Variants in TECTA observed in about 807,000 individuals in gnomAD.
TECTA encodes the protein alpha-tectorin.
A neutral mutation model predicts 216.8 loss-of-function variants in TECTA; 128 were observed. The observed-to-expected ratio is 0.59, with a 90% CI of 0.51 to 0.68. TECTA has a LOEUF of 0.68. Among genes scored for constraint, TECTA ranks in the 30% least tolerant of loss-of-function variants. TECTA has a pLI of 0.00. For missense variants in TECTA, 2,551 were observed against 2,786.2 expected (o/e 0.92, Z 1.90); for synonymous variants, 1,089 against 1,117.1 (o/e 0.97, Z 0.50).
Position 121,145,935 on chromosome 11 carries a change from C to T in TECTA, c.3924C>T (p.Asn1308=), listed in dbSNP as rs768903253. 21 of 1,614,138 alleles carry T rather than the reference C, an allele frequency of 1.3e-5. No homozygotes were observed. Among genetic ancestry groups the T allele is most frequent in the South Asian group, 3.3e-5 (3 of 91,090 alleles). The change falls in exon 12 of 24, where the codon AAC becomes AAT. Residue 1308 remains asparagine (N), a synonymous_variant. Transcript: ENST00000392793. ...QQLCSLIPNQ[N]AAFSKCHSKV... is the part of the protein sequence containing the mutation. ...TGTGCAGCCTGATCCCCAACCAGAA[C>T]GCTGCCTTCTCCAAGTGTCACAGCA...
In TECTA at chr11:121,113,176, C is replaced by A. The variant is rs562490470; in HGVS notation, c.591C>A (p.Asp197Glu). The A allele has an allele frequency of 7.4e-6, 12 of 1,613,990 alleles. No individual in the cohort carries two copies. The African/African-American group carries it at 1.6e-4, about 22-fold the overall frequency. Residue 197 changes from aspartate to glutamate, a missense_variant, in exon 5 of 24, where the codon GAC becomes GAA. Asp to Glu is a conservative substitution (Grantham distance 45). Around this residue, in one of 3 missense-constraint regions of TECTA, gnomAD observed 2,375 missense variants for 2,563.9 expected, o/e 0.93. Coordinates refer to ENST00000392793, the MANE Select transcript of TECTA (RefSeq NM_005422.4). This position sits in a 1 kb window ranked among gnomAD's most constrained non-coding sequence, Gnocchi z 4.2. ...NWTTGTASGGDPLTGLGGVMA... is the reference protein window; with the variant it reads ...NWTTGTASGGEPLTGLGGVMA... ...CCACGGGGACGGCGAGTGGCGGCGACCCCCTGACAGGTCTTGGTGGAGTGA... is the reference window on the plus strand; with the variant it reads ...CCACGGGGACGGCGAGTGGCGGCGAACCCCTGACAGGTCTTGGTGGAGTGA...
chr11:121,190,116 A>T (rs975956168), intron 23 of TECTA: 11 of 520,942 alleles, frequency 2.1e-5, no homozygotes, highest in East Asian at 3.4e-5. Context: ...AAGGTAATTT[A>T]AAAAAACAAG....
intron 10 of TECTA, among the ~76,000 whole-genome samples, chr11:121,133,981 T>C (rs912216901): frequency 1.3e-5 from 2 of 152,166 alleles, no homozygotes; most frequent in Non-Finnish European, 2.9e-5. Flanking sequence ...TTTTTTCCAG[T>C]GGTCTATATT....
chr11:121,120,293 TGG>T (rs1299327676), intron 7 of TECTA, among the ~76,000 whole-genome samples: 1 of 152,178 alleles, frequency 6.6e-6, no homozygotes, highest in Non-Finnish European at 1.5e-5. Context: ...CAGGGCGATG[TGG>T]GTGAATGTAA....
In TECTA at chr11:121,113,705, C is replaced by G; in HGVS notation, c.777C>G (p.Gly259=). 6.2e-7 allele frequency: 1 copy of G among 1,613,656 alleles called. No homozygotes were observed. Among genetic ancestry groups the G allele is most frequent in the Non-Finnish European group, 8.5e-7 (1 of 1,179,986 alleles). Residue 259 remains glycine, a synonymous_variant, in exon 6 of 24, where the codon GGC becomes GGG. Coordinates refer to ENST00000392793, the MANE Select transcript of TECTA (RefSeq NM_005422.4). The surrounding 1 kb of genome is among the most constrained non-coding windows in gnomAD (Gnocchi z 4.2). The part of the protein sequence containing the change: ...VDGKEIDPAN[G]CTSRGQFLRR... Reference sequence around the variant, plus strand: ...GAAAGGAAATTGACCCAGCCAATGGCTGCACCTCAAGGGGTAAAGCTTTTC... The same window carrying G: ...GAAAGGAAATTGACCCAGCCAATGGGTGCACCTCAAGGGGTAAAGCTTTTC...
intron 13 of TECTA, among the ~76,000 whole-genome samples, chr11:121,156,569 C>T (rs1035431006): frequency 1.3e-5 from 2 of 152,100 alleles, no homozygotes; most frequent in African/African-American, 4.8e-5. Flanking sequence ...CTCTCAAACT[C>T]CTGACCTCCG....
chr11:121,179,974 G>GTT (rs368080288), intron 20 of TECTA, among the ~76,000 whole-genome samples: 72 of 120,692 alleles, frequency 6.0e-4, no homozygotes, highest in Admixed American at 1.4e-3. Flanking sequence ...TTGTTTGTTT[G>GTT]TTTTTTTTTT....
chr11:121,105,798 T>A lies in TECTA; in HGVS notation c.65-33T>A. 1.2e-6 allele frequency: 2 copies of A among 1,613,862 alleles called. No homozygotes were observed. Among genetic ancestry groups the A allele is most frequent in the Non-Finnish European group, 1.7e-6 (2 of 1,179,934 alleles). ...TAGATTGCCAAACGGCAGAGGGAGC[T>A]GCCATCTATCTAACCATCATCTCTC... On this transcript the variant is annotated intron_variant, in intron 2 of 23. Transcript: ENST00000392793. This position sits in a 1 kb window ranked among gnomAD's most constrained non-coding sequence, Gnocchi z 5.3.
In TECTA at chr11:121,118,485, G is replaced by C; in HGVS notation, c.970G>C (p.Val324Leu). ...CGCTGTGGAGACCAGCACATGCGTG[G>C]TGTTTGGGGAGCCACACTACCACAC... is the stretch of plus-strand genomic sequence containing the variant. ...CSAVETSTCV[V>L]FGEPHYHTFD... The change falls in exon 7 of 24, where the codon GTG becomes CTG. Residue 324 changes from valine (V) to leucine (L), a missense_variant. This residue lies in a region of TECTA where 2,375 missense variants were observed against 2,563.9 expected (regional missense o/e 0.93). Coordinates refer to ENST00000392793, the MANE Select transcript of TECTA (RefSeq NM_005422.4). 1 of 1,614,196 alleles carries C rather than the reference G, an allele frequency of 6.2e-7. No homozygotes were observed. The highest frequency in any genetic ancestry group is 8.5e-7 in the Non-Finnish European group (1 of 1,180,040).
intron 14 of TECTA, among the ~76,000 whole-genome samples, 182 bp downstream of exon 14, chr11:121,158,406 C>T (rs577086568): frequency 1.3e-5 from 2 of 152,314 alleles, no homozygotes; most frequent in South Asian, 4.2e-4. Context: ...TGAGAATGGA[C>T]ACCATTTGGT....
In TECTA at chr11:121,117,072, C is replaced by T. The variant is rs143554684; in HGVS notation, c.791-1234C>T. Among the ~76,000 whole-genome samples, 59 of 152,352 alleles carry T rather than the reference C, an allele frequency of 3.9e-4. No individual in the cohort carries two copies. The East Asian group carries it at 9.4e-3, about 24-fold the overall frequency. On this transcript the variant is annotated intron_variant, in intron 6 of 23. Transcript: ENST00000392793. ...GCACCCTCAACTTGGGTTAACCTTGCAGCCTTGTGCTATTCACTCGATAGT... is the reference window on the plus strand; with the variant it reads ...GCACCCTCAACTTGGGTTAACCTTGTAGCCTTGTGCTATTCACTCGATAGT...
At chr11:121,101,822 G>C (rs925008709) in intron 1 of TECTA, among the ~76,000 whole-genome samples, 4 of 152,214 alleles carry the variant, frequency 2.6e-5, no homozygotes, top group African/African-American at 9.7e-5. Flanking sequence ...TGTCTAACTT[G>C]AGCTTGCGTC....
At chr11:121,132,895 T>G (rs9651697) in intron 10 of TECTA, among the ~76,000 whole-genome samples, 36,009 of 151,800 alleles carry the variant, frequency 0.24, 5,023 homozygotes, top group African/African-American at 0.38. Flanking sequence ...CTAATTTTTT[T>G]TGTGTGTGTG....
chr11:121,137,054 C>T (rs964886778), intron 10 of TECTA, among the ~76,000 whole-genome samples: 6 of 152,216 alleles, frequency 3.9e-5, no homozygotes, highest in Admixed American at 3.9e-4. Context: ...AGGATGACTA[C>T]AGCTCACTGT....
chr11:121,109,510 A>G lies in TECTA; in HGVS notation c.486+12A>G. 1.9e-6 allele frequency: 3 copies of G among 1,614,088 alleles called. No individual in the cohort carries two copies. Among genetic ancestry groups the G allele is most frequent in the African/African-American group, 2.7e-5 (2 of 75,034 alleles). On this transcript the variant is annotated intron_variant, in intron 4 of 23. Coordinates refer to ENST00000392793, the MANE Select transcript of TECTA (RefSeq NM_005422.4). ...GCAGCACCACACCTGTAATAATTCA[A>G]ATTTTCTGCTTTCCACTTCATAACC... is the stretch of plus-strand genomic sequence containing the variant.
intron 20 of TECTA, among the ~76,000 whole-genome samples, chr11:121,186,371 T>C (rs1161713581): frequency 6.6e-6 from 1 of 152,206 alleles, no homozygotes; most frequent in Non-Finnish European, 1.5e-5. Flanking sequence ...GGTGTTTCAT[T>C]GTTAATAGAA....
At chr11:121,163,918 C>A (rs1462019410) in intron 16 of TECTA, among the ~76,000 whole-genome samples, 1 of 152,092 alleles carries the variant, frequency 6.6e-6, no homozygotes, top group Non-Finnish European at 1.5e-5. Context: ...ACATACTGGG[C>A]CAGTGAAAGG....
At chr11:121,116,223 C>T (rs1946499954) in intron 6 of TECTA, among the ~76,000 whole-genome samples, 1 of 152,220 alleles carries the variant, frequency 6.6e-6, no homozygotes, top group African/African-American at 2.4e-5. Context: ...GTACCCTCCT[C>T]CCCTACAGAG....
At chr11:121,109,765 G>C in intron 4 of TECTA, 3 of 465,160 alleles carry the variant, frequency 6.4e-6, no homozygotes. Context: ...AAACTTTCCT[G>C]CTGTAAGTGA....
Sources: allele counts gnomAD v4.1 joint callset (sites outside exome capture counted in the v4.1 genomes callset), GRCh38; gene constraint gnomAD v4.1.1; regional missense constraint gnomAD v4.1.1; non-coding constraint Gnocchi (gnomAD v3.1); transcripts MANE v1.5; gene names NCBI Gene and HGNC (gene_info 2026-07-23, HGNC 2026-07-21).